MINK1: variants seen among roughly 807,000 people sequenced by gnomAD.
MINK1 encodes the protein misshapen-like kinase 1.
In MINK1, 46 loss-of-function variants were observed where a neutral mutation model predicts 178.4. That is an observed-to-expected ratio of 0.26 (90% CI 0.20 to 0.33). The LOEUF is 0.33. Among genes scored for constraint, MINK1 ranks in the 10% least tolerant of loss-of-function variants. The pLI, the probability that MINK1 is intolerant of heterozygous loss-of-function variation, is 1.00. For synonymous variants in MINK1, 797 were observed against 709.7 expected (o/e 1.12, Z -1.96); for missense variants, 1,366 against 1,814.9 (o/e 0.75, Z 4.49).
rs1969088903 is a variant in MINK1, at chr17:4,893,477, G to A, written c.2444G>A (p.Arg815Gln). ...LKERTLDEAP[R>Q]PPKKAMDYSS... ...GAGCGGACTCTGGACGAGGCCCCTC[G>A]GCCTCCCAAGAAGGCCATGGACTAC... Residue 815 changes from arginine (R) to glutamine (Q), a missense_variant, in exon 21 of 32, where the codon CGG (arginine) becomes CAG (glutamine). This residue lies in a region of MINK1 where 709 missense variants were observed against 692.3 expected (regional missense o/e 1.02). Coordinates refer to ENST00000355280, the MANE Select transcript of MINK1 (RefSeq NM_153827.5). 4 of 1,594,922 alleles carry A rather than the reference G, an allele frequency of 2.5e-6. No individual in the cohort carries two copies. Among genetic ancestry groups the A allele is most frequent in the Middle Eastern group, 1.7e-4 (1 of 6,010 alleles).
intron 31 of MINK1, 139 bp from the exon 32 acceptor site, chr17:4,897,065 G>C (rs572412194): frequency 1.1e-6 from 1 of 881,046 alleles, no homozygotes; most frequent in South Asian, 1.7e-5. Flanking sequence ...CTCCGGGTGA[G>C]GGGCACTGTG....
rs989674128 is a variant in MINK1 at position 4,889,573 on chromosome 17, C to A, written c.1231-74C>A. On this transcript the variant is annotated intron_variant, in intron 12 of 31. Coordinates refer to ENST00000355280, the MANE Select transcript of MINK1 (RefSeq NM_153827.5). The stretch of plus-strand genomic sequence containing the variant: ...TCCGTGGTGAGCAAGGAGGGCTCCC[C>A]TCCCTGTCCATGGAGGGGCAGTGCT... 23 of 1,295,270 alleles carry A rather than the reference C, an allele frequency of 1.8e-5. No homozygotes were observed. The South Asian group carries it at 2.8e-4, about 16-fold the overall frequency. 80.2% of individuals were successfully genotyped at this position (1,295,270 alleles called of 1,614,324 possible). A position where few individuals can be genotyped will look rare whatever the true frequency, so the allele number is the denominator to read the frequency against.
At chr17:4,840,110 T>C (rs1228247720) in intron 1 of MINK1, among the ~76,000 whole-genome samples, 1 of 152,076 alleles carries the variant, frequency 6.6e-6, no homozygotes, top group African/African-American at 2.4e-5. Context: ...AAAAATTGCT[T>C]TTACGAGACA....
Position 4,878,640 on chromosome 17 carries a change from C to T in MINK1, c.123+258C>T, listed in dbSNP as rs548068733. On this transcript the variant is annotated intron_variant, in intron 2 of 31. Coordinates refer to ENST00000355280, the MANE Select transcript of MINK1 (RefSeq NM_153827.5). Reference sequence around the variant, plus strand: ...AGCAGCCAGGCAGGGTGGCCTGCAGCAGTGAGAGCAGGTGGAAGGGCATAC... The same window carrying T: ...AGCAGCCAGGCAGGGTGGCCTGCAGTAGTGAGAGCAGGTGGAAGGGCATAC... 2.1e-4 allele frequency among the ~76,000 whole-genome samples: 32 copies of T among 152,288 alleles called. No homozygotes were observed. The South Asian group carries it at 6.0e-3, about 29-fold the overall frequency.
At chr17:4,875,800 T>C (rs1332908710) in intron 1 of MINK1, among the ~76,000 whole-genome samples, 1 of 151,728 alleles carries the variant, frequency 6.6e-6, no homozygotes, top group Admixed American at 6.6e-5. Flanking sequence ...TGTTAGGTTT[T>C]TTTTCCCCCC....
chr17:4,887,456 TG>T lies in MINK1; in HGVS notation c.1020-121del. The stretch of plus-strand genomic sequence containing the variant: ...GGGGACGGTAAGTCTCCTGGCCACC[TG>T]GGAGTGGCCAGAGGCAGAGGCTTTG... On this transcript the variant is annotated intron_variant, in intron 11 of 31. Coordinates refer to ENST00000355280, the MANE Select transcript of MINK1 (RefSeq NM_153827.5). The surrounding 1 kb of genome is among the most constrained non-coding windows in gnomAD (Gnocchi z 7.6). 1.1e-6 allele frequency: 1 copy of T among 935,800 alleles called. No individual in the cohort carries two copies. Among genetic ancestry groups the T allele is most frequent in the Non-Finnish European group, 1.6e-6 (1 of 631,378 alleles). The allele number at this position is 935,800 out of a possible 1,614,324, so 58.0% of individuals were successfully genotyped here.
intron 1 of MINK1, among the ~76,000 whole-genome samples, chr17:4,835,684 G>T (rs151189253): frequency 1.3e-5 from 2 of 152,204 alleles, no homozygotes; most frequent in African/African-American, 4.8e-5. Flanking sequence ...CCTTTGCTTT[G>T]AACCTTGTGG....
intron 1 of MINK1, among the ~76,000 whole-genome samples, chr17:4,835,366 A>T (rs1352748012): frequency 5.9e-5 from 9 of 152,126 alleles, no homozygotes; most frequent in Non-Finnish European, 1.3e-4. Flanking sequence ...AGGTGCTCAC[A>T]CCTGTAATCC....
In MINK1 at chr17:4,891,119, C is replaced by T. The variant is rs1968745643; in HGVS notation, c.1735C>T (p.His579Tyr). The change falls in exon 15 of 32, where the codon CAC (histidine) becomes TAC (tyrosine). Residue 579 changes from histidine (H) to tyrosine (Y), a missense_variant. By Grantham distance (83) the His-to-Tyr change is moderately conservative. Transcript: ENST00000355280. ...GCCGGTGGAGCCCCAGGAGGGACCG[C>T]ACAAGGTGAGTCTCTCCCCACCCCT... ...QRPVEPQEGPHKSLVAHRVPL... is the reference protein window; with the variant it reads ...QRPVEPQEGPYKSLVAHRVPL... 1 of 1,526,794 alleles carries T rather than the reference C, an allele frequency of 6.5e-7. No individual in the cohort carries two copies. The highest frequency in any genetic ancestry group is 1.4e-5 in the African/African-American group (1 of 72,028). The allele number at this position is 1,526,794 out of a possible 1,614,324, so 94.6% of individuals were successfully genotyped here.
intron 1 of MINK1, among the ~76,000 whole-genome samples, chr17:4,839,253 T>C (rs1909814878): frequency 6.6e-6 from 1 of 152,184 alleles, no homozygotes. Flanking sequence ...TAGACTCTTT[T>C]TCTTAACTGT....
rs200323814 is a variant in MINK1, at chr17:4,896,399, G to A, written c.3616-30G>A. On this transcript the variant is annotated intron_variant, in intron 29 of 31. Transcript: ENST00000355280. This position sits in a 1 kb window ranked among gnomAD's most constrained non-coding sequence, Gnocchi z 4.6. ...ATGGCCCAGTCTGGGCACCAGACAC[G>A]GAGACTCTAGTCCCCCTCCTTCTCC... The A allele has an allele frequency of 8.6e-5, 139 of 1,611,126 alleles. No individual in the cohort carries two copies. The highest frequency in any genetic ancestry group is 1.7e-4 in the Admixed American group (10 of 59,898).
rs1156806792 is a variant in MINK1 at position 4,889,643 on chromosome 17, A to G, written c.1231-4A>G. ...TTCTTAAGACCACCTGGCTCTCCCC[A>G]CAGCAACAGCGGCGGGAGCGGGAGC... is the stretch of plus-strand genomic sequence containing the variant. On this transcript the variant is annotated splice_region_variant and splice_polypyrimidine_tract_variant and intron_variant, in intron 12 of 31. Transcript: ENST00000355280. 2 of 1,573,706 alleles carry G rather than the reference A, an allele frequency of 1.3e-6. No homozygotes were observed. The highest frequency in any genetic ancestry group is 1.7e-6 in the Non-Finnish European group (2 of 1,160,888).
rs186754660 is a variant in MINK1, at chr17:4,834,875, G to C, written c.57+1235G>C. On this transcript the variant is annotated intron_variant, in intron 1 of 31. Transcript: ENST00000355280. ...GTGGGAAAAGGCGGTCAGCCACACA[G>C]GTGCCCCGGATATGGCTGGAGGGGA... 2.7e-3 allele frequency: 1,426 copies of C among 520,084 alleles called. 20 individuals carry two copies. The highest frequency in any genetic ancestry group is 9.5e-4 in the Non-Finnish European group (248 of 259,866). The allele number at this position is 520,084 out of a possible 1,614,324, so 32.2% of individuals were successfully genotyped here.
chr17:4,858,740 A>C (rs16954223), intron 1 of MINK1, among the ~76,000 whole-genome samples: 20,108 of 152,038 alleles, frequency 0.13, 1,637 homozygotes, highest in African/African-American at 0.23. Flanking sequence ...CTAGTGTCCT[A>C]TGAAATTCTC....
chr17:4,833,666 C>G lies in MINK1; in HGVS notation c.57+26C>G. 6.8e-7 allele frequency: 1 copy of G among 1,479,798 alleles called. No homozygotes were observed. 91.7% of individuals were successfully genotyped at this position (1,479,798 alleles called of 1,614,324 possible). A position where few individuals can be genotyped will look rare whatever the true frequency, so the allele number is the denominator to read the frequency against. On this transcript the variant is annotated intron_variant, in intron 1 of 31. Transcript: ENST00000355280. This position sits in a 1 kb window ranked among gnomAD's most constrained non-coding sequence, Gnocchi z 4.8. ...GTGAGCGCGCCGTCCCCCAGCCTCG[C>G]CCTGGTTCCTGTCCCCGCCGCAGGG...
chr17:4,892,578 C>T, intron 18 of MINK1, 66 bp downstream of exon 18: 1 of 1,538,832 alleles, frequency 6.5e-7, no homozygotes, highest in Non-Finnish European at 8.9e-7. Context: ...CTGGTGATGG[C>T]TCCCTCTGCA....
Position 4,887,384 on chromosome 17 carries a change from G to T in MINK1, c.1020-196G>T, listed in dbSNP as rs1968314192. On this transcript the variant is annotated intron_variant, in intron 11 of 31. Coordinates refer to ENST00000355280, the MANE Select transcript of MINK1 (RefSeq NM_153827.5). This position sits in a 1 kb window ranked among gnomAD's most constrained non-coding sequence, Gnocchi z 7.6. ...GAGAGCAATTTGTGGTGAATGTGGG[G>T]CGCAGCAGTAATAGGAAAGGAGGAC... Among the ~76,000 whole-genome samples the T allele has an allele frequency of 6.6e-6, 1 of 152,162 alleles. No individual in the cohort carries two copies. The highest frequency in any genetic ancestry group is 1.5e-5 in the Non-Finnish European group (1 of 68,024).
At chr17:4,860,691 G>A (rs760743991) in intron 1 of MINK1, 1 of 519,466 alleles carries the variant, frequency 1.9e-6, no homozygotes, top group Non-Finnish European at 3.9e-6. Flanking sequence ...CCTTGAGGCT[G>A]AGCAGAGCAA....
chr17:4,846,789 GC>G (rs1400247817), intron 1 of MINK1, among the ~76,000 whole-genome samples: 2 of 151,994 alleles, frequency 1.3e-5, no homozygotes, highest in Non-Finnish European at 2.9e-5. Context: ...TCCCACCTCT[GC>G]CCCCCAAAGT....
Sources: allele counts gnomAD v4.1 joint callset (sites outside exome capture counted in the v4.1 genomes callset), GRCh38; gene constraint gnomAD v4.1.1; regional missense constraint gnomAD v4.1.1; non-coding constraint Gnocchi (gnomAD v3.1); transcripts MANE v1.5; gene names NCBI Gene and HGNC (gene_info 2026-07-23, HGNC 2026-07-21).